RAD50: variants seen among roughly 807,000 people sequenced by gnomAD.
RAD50 encodes DNA repair protein RAD50.
In RAD50, 132 loss-of-function variants were observed where a neutral mutation model predicts 168.8. The ratio of observed to expected loss-of-function variants is 0.78; its 90% CI spans 0.68 to 0.90. The LOEUF is 0.90. RAD50 is among the 40% of genes least tolerant of loss of function. The probability of loss-of-function intolerance (pLI) is 0.00; values close to 1 mark genes in which losing one functional copy is unlikely to be tolerated. For missense variants in RAD50, 1,347 were observed against 1,534.4 expected (o/e 0.88, Z 2.04); for synonymous variants, 525 against 497.4 (o/e 1.06, Z -0.74).
chr5:132,610,254 G>A (rs1295347426), intron 19 of RAD50, among the ~76,000 whole-genome samples: 1 of 151,932 alleles, frequency 6.6e-6, no homozygotes, highest in Non-Finnish European at 1.5e-5. Flanking sequence ...TCTTTAACAT[G>A]TATCTGTATC....
Position 132,644,096 on chromosome 5 carries a change from C to G in RAD50, c.*1732C>G, listed in dbSNP as rs544976711. On this transcript the variant is annotated 3_prime_UTR_variant, in exon 25 of 25. Coordinates refer to ENST00000378823, the MANE Select transcript of RAD50 (RefSeq NM_005732.4). ...TTCTATCAACATGTTAATGAAAGTGCTAGTTGTTGCAGCAAAGAATAACAA... is the reference window on the plus strand; with the variant it reads ...TTCTATCAACATGTTAATGAAAGTGGTAGTTGTTGCAGCAAAGAATAACAA... 1 of 195,642 alleles carries G rather than the reference C, an allele frequency of 5.1e-6. No homozygotes were observed. The highest frequency in any genetic ancestry group is 8.1e-5 in the East Asian group (1 of 12,314). The allele number at this position is 195,642 out of a possible 1,614,324, so 12.1% of individuals were successfully genotyped here.
At chr5:132,579,234 AAGT>A in intron 3 of RAD50, 80 bp from the exon 4 acceptor site, 1 of 1,391,444 alleles carries the variant, frequency 7.2e-7, no homozygotes, top group Non-Finnish European at 1.0e-6. Flanking sequence ...TCTTTTAAAG[AAGT>A]ACAGTATGAA....
At chr5:132,641,200 G>A (rs1751713092) in intron 24 of RAD50, among the ~76,000 whole-genome samples, 3 of 152,134 alleles carry the variant, frequency 2.0e-5, no homozygotes, top group Admixed American at 2.0e-4. Context: ...TGTCTCCCCA[G>A]CTTTCCACAT....
chr5:132,589,566 T>C (rs1580993278), intron 8 of RAD50, 65 bp from the exon 9 acceptor site: 4 of 1,265,668 alleles, frequency 3.2e-6, no homozygotes, highest in East Asian at 4.9e-5. Context: ...TATATTCCTT[T>C]TGCAATTAAA....
intron 1 of RAD50, among the ~76,000 whole-genome samples, chr5:132,558,941 T>C (rs1475109007): frequency 5.9e-5 from 9 of 152,106 alleles, no homozygotes. Flanking sequence ...GGAGTTAATG[T>C]GAGAATTAAA....
Position 132,594,932 on chromosome 5 carries a change from A to G in RAD50, c.1857A>G (p.Glu619=). 2 of 1,609,584 alleles carry G rather than the reference A, an allele frequency of 1.2e-6. No individual in the cohort carries two copies. The highest frequency in any genetic ancestry group is 2.2e-5 in the South Asian group (2 of 90,996). The change falls in exon 12 of 25, where the codon GAA becomes GAG. Residue 619 remains glutamate, a synonymous_variant. Coordinates refer to ENST00000378823, the MANE Select transcript of RAD50 (RefSeq NM_005732.4). The part of the protein sequence containing the change: ...NHINNELKRK[E]EQLSSYEDKL... ...TAAATAATGAACTAAAAAGAAAGGA[A>G]GAGCAGTTGTCCAGTTACGAAGACA... is the stretch of plus-strand genomic sequence containing the variant.
At chr5:132,624,030 A>AT (rs1751328434) in intron 21 of RAD50, among the ~76,000 whole-genome samples, 1 of 152,226 alleles carries the variant, frequency 6.6e-6, no homozygotes, top group South Asian at 2.1e-4. Context: ...TTAACATGTT[A>AT]TTTTTTAAAA....
In RAD50 at chr5:132,588,853, G is replaced by A. The variant is rs369138046; in HGVS notation, c.1218G>A (p.Gly406=). ...AACTTGTGAGAGAGAGACAAGAAGG[G>A]GAAGCAAAAACTGCCAACCAACTGA... is the stretch of plus-strand genomic sequence containing the variant. ...FHKLVRERQE[G]EAKTANQLMN... The change falls in exon 8 of 25, where the codon GGG becomes GGA. Residue 406 remains glycine, a synonymous_variant. Transcript: ENST00000378823. 6 of 1,613,604 alleles carry A rather than the reference G, an allele frequency of 3.7e-6. No homozygotes were observed. The African/African-American group carries it at 6.7e-5, about 18-fold the overall frequency.
At chr5:132,613,617 T>TA (rs1554099638) in intron 19 of RAD50, among the ~76,000 whole-genome samples, 5 of 148,464 alleles carry the variant, frequency 3.4e-5, no homozygotes, top group East Asian at 1.9e-4. Context: ...TTTTTTTTTT[T>TA]AAATTAGATG....
At chr5:132,632,312 A>G (rs982696486) in intron 21 of RAD50, among the ~76,000 whole-genome samples, 1 of 152,360 alleles carries the variant, frequency 6.6e-6, no homozygotes, top group Non-Finnish European at 1.5e-5. Flanking sequence ...ACACACTTCA[A>G]GGTAGACTTA....
chr5:132,591,830 G>A (rs1244448401), intron 10 of RAD50, 47 bp from the exon 11 acceptor site: 9 of 1,379,356 alleles, frequency 6.5e-6, no homozygotes, highest in African/African-American at 1.4e-5. Context: ...TTGATATAAT[G>A]TGGAGATATA....
In RAD50 at chr5:132,579,385, G is replaced by C. The variant is rs977002306; in HGVS notation, c.434G>C (p.Gly145Ala). Residue 145 changes from glycine (G) to alanine (A), a missense_variant, in exon 4 of 25, where the codon GGG becomes GCG. By Grantham distance (60) the Gly-to-Ala change is moderately conservative. Transcript: ENST00000378823. ...GACCGAGAAATGATCAGTTCTCTTG[G>C]GGTTTCCAAGGCTGTGCTAAATAAT... ...EIDREMISSL[G>A]VSKAVLNNVI... The C allele has an allele frequency of 6.2e-7, 1 of 1,613,714 alleles. No individual in the cohort carries two copies. Among genetic ancestry groups the C allele is most frequent in the Non-Finnish European group, 8.5e-7 (1 of 1,179,848 alleles).
At chr5:132,619,990 T>C (rs946680140) in intron 21 of RAD50, among the ~76,000 whole-genome samples, 1 of 150,722 alleles carries the variant, frequency 6.6e-6, no homozygotes, top group Admixed American at 6.6e-5. Flanking sequence ...CTGCAAGCTC[T>C]GCCTCCCAGG....
chr5:132,609,506 G>A, intron 19 of RAD50, 110 bp downstream of exon 19: 1 of 1,507,104 alleles, frequency 6.6e-7, no homozygotes, highest in Non-Finnish European at 8.9e-7. Flanking sequence ...AAGAGGCCAA[G>A]CGTGGTGGCT....
chr5:132,625,155 C>T (rs1162027938), intron 21 of RAD50, among the ~76,000 whole-genome samples: 12 of 148,732 alleles, frequency 8.1e-5, no homozygotes, highest in African/African-American at 2.7e-4. Context: ...GGCGGGATCT[C>T]GGCTCACTGC....
Position 132,591,797 on chromosome 5 carries a change from C to T in RAD50, c.1636-80C>T, listed in dbSNP as rs1750704289. ...ATAGTTTTAAGCTTAGAACTTTAGT[C>T]AGTCTAGAATTTATTTTTGTTCTTG... On this transcript the variant is annotated intron_variant, in intron 10 of 24. Transcript: ENST00000378823. 5.9e-6 allele frequency: 6 copies of T among 1,014,820 alleles called. No individual in the cohort carries two copies. In the Admixed American group the frequency reaches 1.5e-4, roughly 25 times the overall value. 62.9% of individuals were successfully genotyped at this position (1,014,820 alleles called of 1,614,324 possible). A position where few individuals can be genotyped will look rare whatever the true frequency, so the allele number is the denominator to read the frequency against.
At chr5:132,607,541 A>G (rs1454579760) in intron 16 of RAD50, among the ~76,000 whole-genome samples, 1 of 152,198 alleles carries the variant, frequency 6.6e-6, no homozygotes, top group Non-Finnish European at 1.5e-5. Context: ...ATAAATTTTT[A>G]TTAAATTTTA....
In RAD50 at chr5:132,567,803, A is replaced by G. The variant is rs970805915; in HGVS notation, c.214-7974A>G. 3.9e-5 allele frequency among the ~76,000 whole-genome samples: 6 copies of G among 152,324 alleles called. No homozygotes were observed. In the East Asian group the frequency reaches 1.2e-3, roughly 29 times the overall value. On this transcript the variant is annotated intron_variant, in intron 2 of 24. Coordinates refer to ENST00000378823, the MANE Select transcript of RAD50 (RefSeq NM_005732.4). ...GAGACCTCAGAAAGGCCCACCTAAC[A>G]AATACTGAAACCAGGTTTTGATAGA...
chr5:132,566,642 G>A (rs1580980099), intron 2 of RAD50, among the ~76,000 whole-genome samples: 1 of 152,234 alleles, frequency 6.6e-6, no homozygotes, highest in East Asian at 1.9e-4. Flanking sequence ...TCACCCTAAA[G>A]ACAAAATAAT....
Sources: allele counts gnomAD v4.1 joint callset (sites outside exome capture counted in the v4.1 genomes callset), GRCh38; gene constraint gnomAD v4.1.1; transcripts MANE v1.5; gene names NCBI Gene and HGNC (gene_info 2026-07-23, HGNC 2026-07-21).